Variants in DLG2 observed in about 807,000 individuals in gnomAD.
DLG2 encodes disks large homolog 2.
DLG2 carries 45 observed loss-of-function variants against 132.5 expected under a neutral mutation model. The observed-to-expected ratio is 0.34, with a 90% CI of 0.27 to 0.44. The LOEUF (loss-of-function observed/expected upper bound fraction) is 0.44, where lower values mean the gene tolerates loss of function less well. Among genes scored for constraint, DLG2 ranks in the 20% least tolerant of loss-of-function variants. The pLI is 1.00. For missense variants in DLG2, 1,045 were observed against 1,196.9 expected, an observed-to-expected ratio of 0.87 and a Z score of 1.87; for synonymous variants, 424 against 419.6, an observed-to-expected ratio of 1.01 and a Z score of -0.13.
chr11:84,254,431 G>A (rs2097433456), intron 7 of DLG2, among the ~76,000 whole-genome samples: 1 of 152,184 alleles, frequency 6.6e-6, no homozygotes, highest in East Asian at 1.9e-4. Context: ...ATTCTCCACA[G>A]CACTTGGGTA....
intron 6 of DLG2, among the ~76,000 whole-genome samples, chr11:84,712,316 T>C (rs1256623965): frequency 3.3e-5 from 5 of 152,024 alleles, no homozygotes; most frequent in Non-Finnish European, 7.4e-5. Context: ...AAATTAAAAA[T>C]AAAAACTGTA....
At chr11:83,532,615 T>C (rs914582278) in intron 21 of DLG2, 93 bp downstream of exon 21, 7 of 1,030,104 alleles carry the variant, frequency 6.8e-6, no homozygotes, top group African/African-American at 1.6e-5. Context: ...GGTACCTTCA[T>C]AATTTGTTTG....
intron 11 of DLG2, among the ~76,000 whole-genome samples, chr11:84,038,478 T>C (rs1157498304): frequency 6.6e-6 from 1 of 152,090 alleles, no homozygotes; most frequent in Non-Finnish European, 1.5e-5. Context: ...ATGGCTATTA[T>C]AAAAACTTTG....
intron 6 of DLG2, among the ~76,000 whole-genome samples, chr11:84,643,702 T>C (rs560608154): frequency 4.6e-5 from 7 of 152,328 alleles, no homozygotes; most frequent in African/African-American, 1.7e-4. Flanking sequence ...AAGACTTCTC[T>C]ACAGAAGAAT....
chr11:83,547,142 T>A (rs2096262681), intron 19 of DLG2, among the ~76,000 whole-genome samples: 1 of 152,132 alleles, frequency 6.6e-6, no homozygotes, highest in African/African-American at 2.4e-5. Flanking sequence ...GGGAATTTAG[T>A]TTTGGCTATA....
At chr11:85,441,017 A>C (rs1173382704) in intron 3 of DLG2, among the ~76,000 whole-genome samples, 3 of 152,188 alleles carry the variant, frequency 2.0e-5, no homozygotes, top group Admixed American at 6.5e-5. Flanking sequence ...GACACCTCCT[A>C]AAAGCAAACA....
intron 6 of DLG2, among the ~76,000 whole-genome samples, chr11:84,857,744 A>G (rs2082981195): frequency 1.3e-5 from 2 of 152,036 alleles, no homozygotes; most frequent in Admixed American, 1.3e-4. Context: ...TCTAAGTTGG[A>G]TTCTGTACTT....
At chr11:83,896,657 A>C (rs1426496039) in intron 15 of DLG2, among the ~76,000 whole-genome samples, 2 of 152,142 alleles carry the variant, frequency 1.3e-5, no homozygotes, top group Admixed American at 1.3e-4. Flanking sequence ...TTTTATAGAG[A>C]AAATAGTTTA....
At position 84,062,589 on chromosome 11, in the gene DLG2, G is replaced by C. The variant is rs555432354; in HGVS notation, c.750-3105C>G. On this transcript the variant is annotated intron_variant, in intron 10 of 27. Transcript: ENST00000376104. ...TGTTCTTACTTAAACAATTTATAAA[G>C]TATGGATCCCATTTTAAAGACAGTG... is the stretch of plus-strand genomic sequence containing the variant. Among the ~76,000 whole-genome samples, 4 of 152,292 alleles carry C rather than the reference G, an allele frequency of 2.6e-5. No individual in the cohort carries two copies. In the South Asian group the frequency reaches 8.3e-4, roughly 32 times the overall value.
At chr11:84,307,085 C>T (rs2098227743) in intron 7 of DLG2, among the ~76,000 whole-genome samples, 1 of 152,114 alleles carries the variant, frequency 6.6e-6, no homozygotes, top group South Asian at 2.1e-4. Context: ...ATAGCAAAGA[C>T]ATGGAATCAA....
chr11:83,488,801 G>C (rs1329981807), intron 21 of DLG2, among the ~76,000 whole-genome samples: 1 of 151,818 alleles, frequency 6.6e-6, no homozygotes, highest in East Asian at 1.9e-4. Flanking sequence ...TGTTCCCCTG[G>C]GAAAGTTGTT....
At chr11:84,377,148 G>T (rs1044368324) in intron 7 of DLG2, among the ~76,000 whole-genome samples, 3 of 152,040 alleles carry the variant, frequency 2.0e-5, no homozygotes, top group Non-Finnish European at 2.9e-5. Context: ...CCATGCTAAA[G>T]AAGTTGAATC....
At chr11:84,191,376 A>G (rs1211064809) in intron 8 of DLG2, among the ~76,000 whole-genome samples, 1 of 152,184 alleles carries the variant, frequency 6.6e-6, no homozygotes, top group Non-Finnish European at 1.5e-5. Context: ...TTAACTGGCA[A>G]TCAGAAAGAA....
intron 8 of DLG2, among the ~76,000 whole-genome samples, chr11:84,215,643 G>A (rs568849793): frequency 1.4e-4 from 22 of 152,176 alleles, no homozygotes; most frequent in African/African-American, 5.1e-4. Flanking sequence ...CAGATATTGA[G>A]GTGCAGTAAT....
chr11:85,534,931 GCTAAA>G (rs2153196128), intron 3 of DLG2, among the ~76,000 whole-genome samples: 2 of 152,260 alleles, frequency 1.3e-5, no homozygotes, highest in East Asian at 3.9e-4. Flanking sequence ...TTCCACAAGG[GCTAAA>G]CTAATTTACA....
chr11:85,035,707 A>G, intron 6 of DLG2, among the ~76,000 whole-genome samples: 1 of 152,204 alleles, frequency 6.6e-6, no homozygotes, highest in Non-Finnish European at 1.5e-5. Context: ...TAATTTACAT[A>G]GATTATCTCT....
chr11:84,436,735 G>A (rs2099001950), intron 7 of DLG2, among the ~76,000 whole-genome samples: 1 of 151,922 alleles, frequency 6.6e-6, no homozygotes, highest in Admixed American at 6.5e-5. Context: ...AATTAGGTAA[G>A]TCTACACAGA....
chr11:85,519,523 A>T (rs1248190891), intron 3 of DLG2, among the ~76,000 whole-genome samples: 2 of 152,180 alleles, frequency 1.3e-5, no homozygotes, highest in African/African-American at 4.8e-5. Context: ...TGTGTCTACA[A>T]AGTAACTAGC....
chr11:85,372,123 G>T (rs117363723), intron 3 of DLG2, among the ~76,000 whole-genome samples: 2 of 152,146 alleles, frequency 1.3e-5, no homozygotes, highest in Non-Finnish European at 2.9e-5. Context: ...CTGTAGCTCC[G>T]AAAGAACTAA....
Sources: gnomAD v4.1 joint callset for allele counts (sites outside exome capture counted in the v4.1 genomes callset) on GRCh38, gnomAD v4.1.1 for gene constraint, MANE v1.5 for transcripts, NCBI Gene and HGNC (gene_info 2026-07-23, HGNC 2026-07-21) for gene names.